RAB30: variants seen among roughly 807,000 people sequenced by gnomAD.
The protein encoded by RAB30 is RAB30, member RAS oncogene family, also known as ras-related protein Rab-30.
In RAB30, 9 loss-of-function variants were observed where a neutral mutation model predicts 25.1. The ratio of observed to expected loss-of-function variants is 0.36; its 90% CI spans 0.22 to 0.63. The LOEUF is 0.63. Among genes scored for constraint, RAB30 ranks in the 20% least tolerant of loss-of-function variants. The pLI, the probability that RAB30 is intolerant of heterozygous loss-of-function variation, is 0.69. For missense variants in RAB30, 140 were observed against 243.5 expected (o/e 0.58, Z 2.83); for synonymous variants, 77 against 86.4 (o/e 0.89, Z 0.60).
chr11:82,982,492 A>G (rs1856660161), intron 4 of RAB30, 77 bp from the exon 5 acceptor site: 2 of 1,475,868 alleles, frequency 1.4e-6, no homozygotes, highest in Admixed American at 1.8e-5. Context: ...ATTCAACTCC[A>G]TATCTGAAGT....
At chr11:83,048,798 G>A (rs1858288642) in intron 1 of RAB30, among the ~76,000 whole-genome samples, 1 of 152,172 alleles carries the variant, frequency 6.6e-6, no homozygotes, top group Non-Finnish European at 1.5e-5. Flanking sequence ...GTCCTGTCGT[G>A]GCTGCTCGCT....
chr11:83,014,634 A>AAAG (rs1170716552), intron 1 of RAB30, among the ~76,000 whole-genome samples: 1 of 112,616 alleles, frequency 8.9e-6, no homozygotes, highest in African/African-American at 3.4e-5. Context: ...AGAAGTAAGA[A>AAAG]AAAGAAAGAA....
intron 1 of RAB30, among the ~76,000 whole-genome samples, chr11:83,050,370 G>A (rs900683319): frequency 4.6e-5 from 7 of 152,252 alleles, no homozygotes; most frequent in African/African-American, 1.4e-4. Context: ...AGAACCTTGA[G>A]GTTCTATAAG....
chr11:83,065,241 T>G (rs1858669405), intron 1 of RAB30, among the ~76,000 whole-genome samples: 1 of 152,012 alleles, frequency 6.6e-6, no homozygotes, highest in African/African-American at 2.4e-5. Context: ...AAAATTTAAT[T>G]TAGTCAGGCA....
At chr11:82,997,350 G>A in intron 1 of RAB30, 26 bp from the exon 2 acceptor site, 1 of 1,501,266 alleles carries the variant, frequency 6.7e-7, no homozygotes, top group African/African-American at 1.4e-5. Flanking sequence ...AGGCAAAAGT[G>A]AGAAAGGCCC....
chr11:83,067,790 G>A (rs539694550), intron 1 of RAB30, among the ~76,000 whole-genome samples: 18 of 152,144 alleles, frequency 1.2e-4, no homozygotes, highest in African/African-American at 4.3e-4. Context: ...TCAGGAGTTC[G>A]AGACCAGCCT....
Position 83,058,155 on chromosome 11 carries a change from A to G in RAB30, c.-9+13536T>C, listed in dbSNP as rs1177740647. Among the ~76,000 whole-genome samples, 4 of 152,210 alleles carry G rather than the reference A, an allele frequency of 2.6e-5. No individual in the cohort carries two copies. In the East Asian group the frequency reaches 7.7e-4, roughly 29 times the overall value. On this transcript the variant is annotated intron_variant, in intron 1 of 4. Transcript: ENST00000527633. ...TCAAATGCTTTACATTTTCTTTATC[A>G]TTCTCCCTCTGTAATGGACATTTCT...
Position 82,975,520 on chromosome 11 carries a change from C to T in RAB30, c.*6645G>A, listed in dbSNP as rs886410888. 3 of 151,990 alleles carry T rather than the reference C, an allele frequency of 2.0e-5. No individual in the cohort carries two copies. Among genetic ancestry groups the T allele is most frequent in the Admixed American group, 6.6e-5 (1 of 15,258 alleles). 9.4% of individuals were successfully genotyped at this position (151,990 alleles called of 1,614,324 possible). A position where few individuals can be genotyped will look rare whatever the true frequency, so the allele number is the denominator to read the frequency against. On this transcript the variant is annotated 3_prime_UTR_variant, in exon 5 of 5. Transcript: ENST00000527633. Reference sequence around the variant, plus strand: ...GTGCACACGTAGAAAGGGGAAGAAACGCTTTTGGATGTTGGTAATTATGTA... The same window carrying T: ...GTGCACACGTAGAAAGGGGAAGAAATGCTTTTGGATGTTGGTAATTATGTA...
At chr11:82,991,506 C>CAAAAAA (rs35298951) in intron 3 of RAB30, among the ~76,000 whole-genome samples, 21 of 65,860 alleles carry the variant, frequency 3.2e-4, no homozygotes, top group African/African-American at 1.2e-3. Flanking sequence ...GACCCTTTCT[C>CAAAAAA]AAAAAAAAAA....
chr11:83,015,808 C>T (rs1320906560), intron 1 of RAB30, among the ~76,000 whole-genome samples: 1 of 152,134 alleles, frequency 6.6e-6, no homozygotes, highest in Non-Finnish European at 1.5e-5. Context: ...GGTGATCAGT[C>T]TTGTCAAATG....
chr11:82,984,921 G>A (rs1056874862), intron 4 of RAB30, among the ~76,000 whole-genome samples: 4 of 152,132 alleles, frequency 2.6e-5, no homozygotes, highest in Admixed American at 6.5e-5. Flanking sequence ...TGGCAAAGTC[G>A]GAACAATGGG....
intron 1 of RAB30, among the ~76,000 whole-genome samples, chr11:83,017,472 GCACCCAT>G (rs1293142036): frequency 2.0e-5 from 3 of 152,026 alleles, no homozygotes; most frequent in Non-Finnish European, 2.9e-5. Flanking sequence ...AGATTTTGGT[GCACCCAT>G]CACCCAGGCA....
chr11:83,020,962 G>A (rs1413185421), intron 1 of RAB30, among the ~76,000 whole-genome samples: 1 of 152,094 alleles, frequency 6.6e-6, no homozygotes, highest in Non-Finnish European at 1.5e-5. Flanking sequence ...GCTGCAGAGA[G>A]GAGTTACCTT....
intron 1 of RAB30, among the ~76,000 whole-genome samples, chr11:83,044,402 T>C (rs1395633227): frequency 1.3e-5 from 2 of 152,238 alleles, no homozygotes; most frequent in Non-Finnish European, 2.9e-5. Context: ...TATGGCTTTC[T>C]GAACTAAAAT....
At chr11:82,985,212 G>A (rs1225557806) in intron 4 of RAB30, among the ~76,000 whole-genome samples, 2 of 151,992 alleles carry the variant, frequency 1.3e-5, no homozygotes, top group African/African-American at 2.4e-5. Flanking sequence ...TGATCCACCC[G>A]CCTCAGCCTC....
chr11:83,017,137 G>A (rs1173032900), intron 1 of RAB30, among the ~76,000 whole-genome samples: 4 of 152,146 alleles, frequency 2.6e-5, no homozygotes, highest in Non-Finnish European at 5.9e-5. Flanking sequence ...CTAGGAGTTC[G>A]AGAACAGCCT....
chr11:83,048,468 C>CA (rs10650991), intron 1 of RAB30, among the ~76,000 whole-genome samples: 10,177 of 119,426 alleles, frequency 0.085, 587 homozygotes, highest in African/African-American at 0.17. Context: ...GACACTGTCT[C>CA]AAAAAAAAAA....
At chr11:83,003,954 T>C (rs1857138008) in intron 1 of RAB30, among the ~76,000 whole-genome samples, 1 of 152,174 alleles carries the variant, frequency 6.6e-6, no homozygotes, top group Non-Finnish European at 1.5e-5. Context: ...GTGGGGGATG[T>C]AGAGGATAGC....
At chr11:82,988,669 C>A (rs745852585) in intron 3 of RAB30, among the ~76,000 whole-genome samples, 29 of 152,232 alleles carry the variant, frequency 1.9e-4, no homozygotes, top group South Asian at 2.1e-4. Flanking sequence ...TGTCAATTTC[C>A]CTGCACAGAG....
Sources: allele counts gnomAD v4.1 joint callset (sites outside exome capture counted in the v4.1 genomes callset), GRCh38; gene constraint gnomAD v4.1.1; transcripts MANE v1.5; gene names NCBI Gene and HGNC (gene_info 2026-07-23, HGNC 2026-07-21).